The following DTWD1 variants were observed in gnomAD, a reference collection of about 807,000 sequenced individuals.
DTWD1 encodes tRNA-uridine aminocarboxypropyltransferase 1.
Under a neutral mutation model 30.2 loss-of-function variants are expected in DTWD1, and 27 were observed. The observed-to-expected ratio is 0.90, with a 90% CI of 0.66 to 1.23. The LOEUF (loss-of-function observed/expected upper bound fraction) is 1.23. Ranked by LOEUF, DTWD1 falls within the 50% of genes most tolerant of loss-of-function variation. The pLI is 0.00. For synonymous variants in DTWD1, 99 were observed against 113.1 expected, an observed-to-expected ratio of 0.88 and a Z score of 0.79; for missense variants, 342 against 348.8, an observed-to-expected ratio of 0.98 and a Z score of 0.15.
rs1413899520 is a variant in DTWD1 at position 49,654,068 on chromosome 15, T to G, written c.*10490T>G. The G allele has an allele frequency of 6.6e-6, 1 of 152,072 alleles. No homozygotes were observed. Among genetic ancestry groups the G allele is most frequent in the Non-Finnish European group, 1.5e-5 (1 of 68,000 alleles). The allele number at this position is 152,072 out of a possible 1,614,324, so 9.4% of individuals were successfully genotyped here. On this transcript the variant is annotated 3_prime_UTR_variant, in exon 5 of 5. Transcript: ENST00000403028. ...ATGCTTCCTGTTTCCTTGTCTCCTT[T>G]TTTGAATGATAGTCTCTGTGTGGTG...
At position 49,648,470 on chromosome 15, in the gene DTWD1, T is replaced by G. The variant is rs2079133945; in HGVS notation, c.*4892T>G. ...GCATGTGCCACCACACCCCGCTAAT[T>G]TTTGTATTTTTAGTAGAGATGGAGT... On this transcript the variant is annotated 3_prime_UTR_variant, in exon 5 of 5. Coordinates refer to ENST00000403028, the MANE Select transcript of DTWD1 (RefSeq NM_001144955.2). 6.6e-6 allele frequency: 1 copy of G among 152,122 alleles called. No individual in the cohort carries two copies. 9.4% of individuals were successfully genotyped at this position (152,122 alleles called of 1,614,324 possible).
rs563436883 is a variant in DTWD1, at chr15:49,655,259, G to C, written c.*11681G>C. ...CTGAAGAACCACCAGCCAGTACACA[G>C]AAATGAGAAATTTTAAAATGGTTGA... On this transcript the variant is annotated 3_prime_UTR_variant, in exon 5 of 5. Transcript: ENST00000403028. The C allele has an allele frequency of 6.6e-6, 1 of 152,066 alleles. No individual in the cohort carries two copies. The highest frequency in any genetic ancestry group is 1.5e-5 in the Non-Finnish European group (1 of 67,988). 9.4% of individuals were successfully genotyped at this position (152,066 alleles called of 1,614,324 possible).
At chr15:49,627,264 G>A (rs1322368728) in intron 2 of DTWD1, among the ~76,000 whole-genome samples, 2 of 152,068 alleles carry the variant, frequency 1.3e-5, no homozygotes, top group Non-Finnish European at 2.9e-5. Context: ...TAATGGCCTT[G>A]TATAAAATTT....
rs1202831956 is a variant in DTWD1, at chr15:49,645,151, T to TAAA, written c.*1573_*1574insAAA. The TAAA allele has an allele frequency of 6.6e-6, 1 of 152,180 alleles. No homozygotes were observed. The highest frequency in any genetic ancestry group is 1.5e-5 in the Non-Finnish European group (1 of 68,030). 9.4% of individuals were successfully genotyped at this position (152,180 alleles called of 1,614,324 possible). ...TTTGAACTTTATTTAAGCTGATATA[T>TAAA]CTTAAACTTACTTGAATATGTAGCA... On this transcript the variant is annotated 3_prime_UTR_variant, in exon 5 of 5. Coordinates refer to ENST00000403028, the MANE Select transcript of DTWD1 (RefSeq NM_001144955.2).
At chr15:49,632,590 C>G (rs1025862801) in intron 3 of DTWD1, among the ~76,000 whole-genome samples, 5 of 152,112 alleles carry the variant, frequency 3.3e-5, no homozygotes, top group Non-Finnish European at 1.5e-5. Context: ...TACCTTTTCT[C>G]CTCTCCTTCT....
At chr15:49,639,708 G>T (rs2079043351) in intron 4 of DTWD1, among the ~76,000 whole-genome samples, 1 of 152,148 alleles carries the variant, frequency 6.6e-6, no homozygotes, top group African/African-American at 2.4e-5. Flanking sequence ...AATGGTAAAA[G>T]AGACTGGAGA....
In DTWD1 at chr15:49,643,569, T is replaced by G. The variant is rs2079093124; in HGVS notation, c.906T>G (p.Leu302=). 6.3e-7 allele frequency: 1 copy of G among 1,590,212 alleles called. No individual in the cohort carries two copies. Among genetic ancestry groups the G allele is most frequent in the African/African-American group, 1.4e-5 (1 of 73,398 alleles). The change falls in exon 5 of 5, where the codon CTT becomes CTG. Residue 302 remains leucine (L), a synonymous_variant. Coordinates refer to ENST00000403028, the MANE Select transcript of DTWD1 (RefSeq NM_001144955.2). ...CTGGAGATAAGGAAACAGGAAAACT[T>G]ACACATTAGTTTTTAACAAGCCACT... ...KCSGDKETGK[L]TH
rs1209943717 is a variant in DTWD1, at chr15:49,645,762, A to T, written c.*2184A>T. On this transcript the variant is annotated 3_prime_UTR_variant, in exon 5 of 5. Transcript: ENST00000403028. ...AAGAAAGATGACCCACGTACTTCAT[A>T]AGAGCCTAATTTACAGCTAAGGCCA... 6.6e-6 allele frequency: 1 copy of T among 152,186 alleles called. No individual in the cohort carries two copies. Among genetic ancestry groups the T allele is most frequent in the Non-Finnish European group, 1.5e-5 (1 of 68,028 alleles). 9.4% of individuals were successfully genotyped at this position (152,186 alleles called of 1,614,324 possible).
intron 2 of DTWD1, among the ~76,000 whole-genome samples, chr15:49,626,006 G>A (rs1381592747): frequency 6.6e-6 from 1 of 152,026 alleles, no homozygotes; most frequent in Non-Finnish European, 1.5e-5. Context: ...TGAAAACCAA[G>A]TGTATTTATG....
rs1285553889 is a variant in DTWD1, at chr15:49,644,705, G to A, written c.*1127G>A. ...CCTTATCAGGAATCCTATCTCTTCT[G>A]TTCCCAAGCAGTTACCCCAGTTACC... On this transcript the variant is annotated 3_prime_UTR_variant, in exon 5 of 5. Coordinates refer to ENST00000403028, the MANE Select transcript of DTWD1 (RefSeq NM_001144955.2). The A allele has an allele frequency of 1.3e-5, 2 of 152,136 alleles. No individual in the cohort carries two copies. The highest frequency in any genetic ancestry group is 2.9e-5 in the Non-Finnish European group (2 of 68,050). 9.4% of individuals were successfully genotyped at this position (152,136 alleles called of 1,614,324 possible).
chr15:49,623,346 G>C (rs1223010926), intron 1 of DTWD1, among the ~76,000 whole-genome samples: 1 of 152,076 alleles, frequency 6.6e-6, no homozygotes, highest in Admixed American at 6.5e-5. Context: ...GTGAAACTTA[G>C]CTTCGTATGT....
At chr15:49,631,281 C>T (rs1347389890) in intron 2 of DTWD1, among the ~76,000 whole-genome samples, 2 of 152,042 alleles carry the variant, frequency 1.3e-5, no homozygotes, top group Non-Finnish European at 2.9e-5. Flanking sequence ...AAGATTACAC[C>T]TCTTAGGTCT....
Position 49,643,461 on chromosome 15 carries a change from A to G in DTWD1, c.798A>G (p.Leu266=), listed in dbSNP as rs2079091526. 6.2e-7 allele frequency: 1 copy of G among 1,610,052 alleles called. No individual in the cohort carries two copies. Among genetic ancestry groups the G allele is most frequent in the South Asian group, 1.1e-5 (1 of 90,326 alleles). ...YFLVDYHTDI[L]KEKYRGQYDN... The stretch of plus-strand genomic sequence containing the variant: ...TGGTAGACTACCATACTGATATATT[A>G]AAAGAGAAATACAGAGGGCAATATG... Residue 266 remains leucine (L), a synonymous_variant, in exon 5 of 5, where the codon TTA becomes TTG. Transcript: ENST00000403028.
At position 49,645,879 on chromosome 15, in the gene DTWD1, T is replaced by G. The variant is rs1011451339; in HGVS notation, c.*2301T>G. On this transcript the variant is annotated 3_prime_UTR_variant, in exon 5 of 5. Coordinates refer to ENST00000403028, the MANE Select transcript of DTWD1 (RefSeq NM_001144955.2). Reference sequence around the variant, plus strand: ...TTGTCTTAGTTTTTTTTGTTTGTTTTTTGTTTTTTGTTTTTTTGGTGTGAT... The same window carrying G: ...TTGTCTTAGTTTTTTTTGTTTGTTTGTTGTTTTTTGTTTTTTTGGTGTGAT... The G allele has an allele frequency of 5.9e-5, 9 of 152,128 alleles. No homozygotes were observed. Among genetic ancestry groups the G allele is most frequent in the African/African-American group, 2.2e-4 (9 of 41,386 alleles). 9.4% of individuals were successfully genotyped at this position (152,128 alleles called of 1,614,324 possible). A position where few individuals can be genotyped will look rare whatever the true frequency, so the allele number is the denominator to read the frequency against.
intron 3 of DTWD1, among the ~76,000 whole-genome samples, chr15:49,633,049 C>CTATATCTATATATATA (rs774517463): frequency 7.7e-5 from 9 of 117,340 alleles, no homozygotes; most frequent in East Asian, 2.2e-4. Context: ...ATATCTATAT[C>CTATATCTATATATATA]TATATATATA....
intron 1 of DTWD1, among the ~76,000 whole-genome samples, chr15:49,622,674 A>C (rs2078770936): frequency 6.6e-6 from 1 of 152,132 alleles, no homozygotes; most frequent in Non-Finnish European, 1.5e-5. Flanking sequence ...TTTGCAATAA[A>C]ATCATTTGCA....
rs1484997479 is a variant in DTWD1 at position 49,646,098 on chromosome 15, C to G, written c.*2520C>G. On this transcript the variant is annotated 3_prime_UTR_variant, in exon 5 of 5. Coordinates refer to ENST00000403028, the MANE Select transcript of DTWD1 (RefSeq NM_001144955.2). ...TGAGTTAGCCTGCTGGAGCATGAGA[C>G]TCCATGGAACAGAGCCAGGTTGCCC... The G allele has an allele frequency of 6.6e-6, 1 of 152,210 alleles. No individual in the cohort carries two copies. Among genetic ancestry groups the G allele is most frequent in the Non-Finnish European group, 1.5e-5 (1 of 68,034 alleles). 9.4% of individuals were successfully genotyped at this position (152,210 alleles called of 1,614,324 possible). A position where few individuals can be genotyped will look rare whatever the true frequency, so the allele number is the denominator to read the frequency against.
chr15:49,635,662 T>G (rs1477968908), intron 4 of DTWD1, among the ~76,000 whole-genome samples: 1 of 151,512 alleles, frequency 6.6e-6, no homozygotes, highest in Non-Finnish European at 1.5e-5. Context: ...CCTGGCTAAT[T>G]TTTTTGTATT....
intron 4 of DTWD1, among the ~76,000 whole-genome samples, 190 bp downstream of exon 4, chr15:49,634,984 T>C (rs1213191302): frequency 6.6e-6 from 1 of 152,210 alleles, no homozygotes; most frequent in East Asian, 1.9e-4. Flanking sequence ...GGTTGATCAA[T>C]TGAAAGTAAG....
Sources: allele counts gnomAD v4.1 joint callset (sites outside exome capture counted in the v4.1 genomes callset), GRCh38; gene constraint gnomAD v4.1.1; transcripts MANE v1.5; gene names NCBI Gene and HGNC (gene_info 2026-07-23, HGNC 2026-07-21).